Variants in MYO19 observed in about 807,000 individuals in gnomAD.
MYO19 encodes myosin XIX.
A neutral mutation model predicts 129.2 loss-of-function variants in MYO19; 132 were observed. The observed-to-expected ratio is 1.02, with a 90% CI of 0.89 to 1.18. The LOEUF (loss-of-function observed/expected upper bound fraction) is 1.18. Ranked by LOEUF, MYO19 falls within the 50% of genes most tolerant of loss-of-function variation. The pLI, the probability that MYO19 is intolerant of heterozygous loss-of-function variation, is 0.00. For missense variants in MYO19, 1,210 were observed against 1,216.7 expected (o/e 0.99, Z 0.08); for synonymous variants, 531 against 477.2 (o/e 1.11, Z -1.47).
chr17:36,537,976 G>T, upstream of MYO19: 1 of 1,614,030 alleles, frequency 6.2e-7, no homozygotes, highest in South Asian at 1.1e-5. Context: ...ACTGATGGTA[G>T]TGGCACACGG....
chr17:36,507,263 A>G (rs2071975382), intron 16 of MYO19, 124 bp from the exon 17 acceptor site: 5 of 1,446,362 alleles, frequency 3.5e-6, no homozygotes, highest in South Asian at 1.2e-5. Flanking sequence ...TCCCCAACAG[A>G]AAAAATATAG....
chr17:36,506,949 G>A lies in MYO19; in HGVS notation c.1644+14C>T. 6.4e-7 allele frequency: 1 copy of A among 1,572,400 alleles called. No homozygotes were observed. Among genetic ancestry groups the A allele is most frequent in the East Asian group, 2.3e-5 (1 of 43,548 alleles). On this transcript the variant is annotated intron_variant, in intron 17 of 25. Transcript: ENST00000614623. ...GTTTCTCGCAGGCCCCACAGGGCAT[G>A]GCCCAGCCCGTACCTTGTTCTTCTC...
intron 19 of MYO19, chr17:36,504,222 G>A: frequency 1.9e-6 from 1 of 513,678 alleles, no homozygotes; most frequent in South Asian, 3.0e-5. Context: ...AAGGGTCCTG[G>A]TGGTCCCAAG....
chr17:36,528,405 G>A (rs2073621471), intron 3 of MYO19, among the ~76,000 whole-genome samples: 1 of 152,068 alleles, frequency 6.6e-6, no homozygotes, highest in Admixed American at 6.5e-5. Context: ...CAGCTACTCG[G>A]AAGGCTGAGG....
chr17:36,507,560 T>G (rs759676275), intron 15 of MYO19, 48 bp from the exon 16 acceptor site: 2 of 1,578,402 alleles, frequency 1.3e-6, no homozygotes. Context: ...TGTGGTCTGA[T>G]GTCCTGACGG....
At chr17:36,512,359 A>G (rs2072406176) in intron 11 of MYO19, among the ~76,000 whole-genome samples, 1 of 150,086 alleles carries the variant, frequency 6.7e-6, no homozygotes, top group Non-Finnish European at 1.5e-5. Context: ...ACTGCACTCT[A>G]GACTGGGCAA....
chr17:36,496,523 G>C, intron 25 of MYO19, 117 bp from the exon 26 acceptor site: 1 of 921,944 alleles, frequency 1.1e-6, no homozygotes, highest in East Asian at 2.6e-5. Flanking sequence ...CTAGTATTGG[G>C]GGCCACAGCA....
Position 36,503,897 on chromosome 17 carries a change from CT to C in MYO19, c.1976+52del, listed in dbSNP as rs2071701740. On this transcript the variant is annotated intron_variant, in intron 20 of 25. Transcript: ENST00000614623. The stretch of plus-strand genomic sequence containing the variant: ...GGCAGGCTCTTGCCCAATGAGAGTC[CT>C]GAGCCCCACTCTGTACTGGCCCTGC... 2.4e-5 allele frequency: 34 copies of C among 1,413,914 alleles called. No homozygotes were observed. The South Asian group carries it at 5.1e-4, about 21-fold the overall frequency. 87.6% of individuals were successfully genotyped at this position (1,413,914 alleles called of 1,614,324 possible). A position where few individuals can be genotyped will look rare whatever the true frequency, so the allele number is the denominator to read the frequency against.
chr17:36,534,587 A>AC (rs376429824), intron 1 of MYO19, 174 bp downstream of exon 1: 107 of 152,350 alleles, frequency 7.0e-4, no homozygotes, highest in African/African-American at 2.3e-3. Flanking sequence ...GAGCTGGGCT[A>AC]CCCCCTCGTG....
At chr17:36,544,091 A>G (rs2074219699), upstream of MYO19, among the ~76,000 whole-genome samples, 1 of 152,256 alleles carries the variant, frequency 6.6e-6, no homozygotes, top group South Asian at 2.1e-4. Flanking sequence ...CTGTCTTCAC[A>G]GCAGCTCTGC....
At chr17:36,496,470 C>CCA in intron 25 of MYO19, 64 bp from the exon 26 acceptor site, 1 of 1,539,636 alleles carries the variant, frequency 6.5e-7, no homozygotes, top group South Asian at 1.1e-5. Context: ...CCTAACAACC[C>CCA]CACAGAGCAG....
At chr17:36,515,028 G>T in intron 8 of MYO19, 85 bp downstream of exon 8, 2 of 1,283,072 alleles carry the variant, frequency 1.6e-6, no homozygotes, top group Non-Finnish European at 2.2e-6. Context: ...TGCCCATAGG[G>T]GTGGCCCAGG....
chr17:36,520,687 G>A (rs1209870551), intron 6 of MYO19, among the ~76,000 whole-genome samples: 1 of 151,040 alleles, frequency 6.6e-6, no homozygotes, highest in Non-Finnish European at 1.5e-5. Context: ...TTTCACTTAA[G>A]TAGTAAATAT....
chr17:36,500,744 A>C (rs2071458467), intron 23 of MYO19, 86 bp downstream of exon 23: 14 of 1,495,942 alleles, frequency 9.4e-6, no homozygotes, highest in Non-Finnish European at 1.3e-5. Flanking sequence ...GCTTCAGGAG[A>C]TGGGGACTCG....
At chr17:36,531,729 C>T (rs2073848559) in intron 3 of MYO19, among the ~76,000 whole-genome samples, 1 of 152,108 alleles carries the variant, frequency 6.6e-6, no homozygotes, top group Non-Finnish European at 1.5e-5. Context: ...TACTATGGCT[C>T]CCTTGATGCT....
chr17:36,498,390 C>T lies in MYO19; in HGVS notation c.2633G>A (p.Gly878Asp), dbSNP rs891961525. 6 of 1,613,904 alleles carry T rather than the reference C, an allele frequency of 3.7e-6. No homozygotes were observed. The African/African-American group carries it at 5.3e-5, about 14-fold the overall frequency. ...LVLANTAMGV[G>D]SFQRKLVVWA... The stretch of plus-strand genomic sequence containing the variant: ...GACCACTAATTTCCTCTGAAAGCTG[C>T]CTACACCCATAGCCGTATTGGCCAG... The change falls in exon 25 of 26, where the codon GGC becomes GAC. Residue 878 changes from glycine (G) to aspartate (D), a missense_variant. By Grantham distance (94) the Gly-to-Asp change is moderately conservative. Coordinates refer to ENST00000614623, the MANE Select transcript of MYO19 (RefSeq NM_001163735.2).
intron 3 of MYO19, among the ~76,000 whole-genome samples, chr17:36,530,297 C>T (rs995482209): frequency 6.6e-6 from 1 of 152,032 alleles, no homozygotes; most frequent in African/African-American, 2.4e-5. Context: ...AAAGTGAGAC[C>T]CTGTCTCTAA....
chr17:36,509,766 C>A (rs2072187280), intron 13 of MYO19: 1 of 152,876 alleles, frequency 6.5e-6, no homozygotes, highest in Non-Finnish European at 1.5e-5. Context: ...AGTAAATAAA[C>A]TGGCTCTTTT....
intron 9 of MYO19, among the ~76,000 whole-genome samples, chr17:36,514,073 G>A (rs1186442729): frequency 6.6e-6 from 1 of 152,212 alleles, no homozygotes; most frequent in Non-Finnish European, 1.5e-5. Context: ...ATGCCTTGGG[G>A]GACTCCCAGT....
Sources: allele counts gnomAD v4.1 joint callset (sites outside exome capture counted in the v4.1 genomes callset), GRCh38; gene constraint gnomAD v4.1.1; transcripts MANE v1.5; gene names NCBI Gene and HGNC (gene_info 2026-07-23, HGNC 2026-07-21).